The following TIAM1 variants were observed in gnomAD, a reference collection of about 807,000 sequenced individuals.
TIAM1 encodes TIAM Rac1 associated GEF 1.
In TIAM1, 65 loss-of-function variants were observed where a neutral mutation model predicts 163.5. That is an observed-to-expected ratio of 0.40 (90% CI 0.33 to 0.49). The LOEUF (loss-of-function observed/expected upper bound fraction) is 0.49, where lower values mean the gene tolerates loss of function less well. Ranked by LOEUF, TIAM1 falls within the 20% of genes least tolerant of loss-of-function variation. The pLI is 0.77. For missense variants in TIAM1, 1,789 were observed against 2,044.7 expected (o/e 0.87, Z 2.41); for synonymous variants, 833 against 810.1 (o/e 1.03, Z -0.48).
At chr21:31,250,920 G>A (rs941816010) in intron 5 of TIAM1, among the ~76,000 whole-genome samples, 4 of 152,188 alleles carry the variant, frequency 2.6e-5, no homozygotes, top group Non-Finnish European at 5.9e-5. Context: ...ACACATGCAT[G>A]TCTGTATCTA....
intron 1 of TIAM1, among the ~76,000 whole-genome samples, chr21:31,467,617 C>T (rs1439454714): frequency 1.3e-5 from 2 of 149,174 alleles, no homozygotes; most frequent in South Asian, 2.1e-4. Context: ...CAAAGTGAGG[C>T]TCCATCTCAA....
At chr21:31,498,788 T>C (rs62221327) in intron 1 of TIAM1, among the ~76,000 whole-genome samples, 1 of 151,452 alleles carries the variant, frequency 6.6e-6, no homozygotes, top group Non-Finnish European at 1.5e-5. Flanking sequence ...TCTACTAAAA[T>C]TATAAAAATT....
At chr21:31,197,268 T>C (rs1424465456) in intron 12 of TIAM1, among the ~76,000 whole-genome samples, 1 of 152,170 alleles carries the variant, frequency 6.6e-6, no homozygotes, top group Non-Finnish European at 1.5e-5. Flanking sequence ...AAAAATTTTT[T>C]AAACAAAAAA....
intron 1 of TIAM1, among the ~76,000 whole-genome samples, chr21:31,549,478 A>AG (rs1298554364): frequency 6.6e-6 from 1 of 152,074 alleles, no homozygotes; most frequent in African/African-American, 2.4e-5. Flanking sequence ...ATTAATAAAA[A>AG]AAAATTAAAA....
intron 1 of TIAM1, among the ~76,000 whole-genome samples, chr21:31,525,106 G>A (rs142471686): frequency 4.0e-4 from 61 of 152,120 alleles, no homozygotes; most frequent in Admixed American, 7.9e-4. Context: ...GAGGCTGGGC[G>A]CGGTGGCTCA....
chr21:31,554,674 A>T (rs752571665), intron 1 of TIAM1, among the ~76,000 whole-genome samples: 1 of 152,122 alleles, frequency 6.6e-6, no homozygotes, highest in Non-Finnish European at 1.5e-5. Context: ...AAAGCAGACA[A>T]TTGATCGGCT....
chr21:31,310,950 A>G (rs1452662955), intron 2 of TIAM1, among the ~76,000 whole-genome samples: 12 of 152,210 alleles, frequency 7.9e-5, no homozygotes, highest in Non-Finnish European at 1.8e-4. Context: ...CGTGCAATGC[A>G]ATCCTCTGAC....
chr21:31,531,390 G>C (rs1028580364), intron 1 of TIAM1, among the ~76,000 whole-genome samples: 2 of 152,186 alleles, frequency 1.3e-5, no homozygotes, highest in Non-Finnish European at 2.9e-5. Context: ...TGCCTAGTGA[G>C]AGGAGACTGT....
rs368040762 is a variant in TIAM1, at chr21:31,154,409, G to A, written c.3009C>T (p.Ala1003=). ...TCTCATGCAAACTGCGGCAAAATGC[G>A]GCCACCTGTTCTGTACTCTTCGGAG... is the stretch of plus-strand genomic sequence containing the variant. ...DHSSKSTEQV[A]AFCRSLHEMN... Residue 1003 remains alanine, a synonymous_variant, in exon 17 of 28, where the codon GCC becomes GCT. Coordinates refer to ENST00000541036, the MANE Select transcript of TIAM1 (RefSeq NM_001353694.2). 82 of 1,613,842 alleles carry A rather than the reference G, an allele frequency of 5.1e-5. No homozygotes were observed. The highest frequency in any genetic ancestry group is 3.3e-4 in the Middle Eastern group (2 of 6,072).
At chr21:31,409,639 C>T (rs553704890) in intron 2 of TIAM1, among the ~76,000 whole-genome samples, 1 of 152,338 alleles carries the variant, frequency 6.6e-6, no homozygotes, top group South Asian at 2.1e-4. Context: ...CTCCGCACCA[C>T]AGGCCCGCTT....
At position 31,500,811 on chromosome 21, in the gene TIAM1, G is replaced by A. The variant is rs545470215; in HGVS notation, c.-421-36776C>T. 3.9e-5 allele frequency among the ~76,000 whole-genome samples: 6 copies of A among 152,262 alleles called. No homozygotes were observed. The East Asian group carries it at 7.8e-4, about 20-fold the overall frequency. The stretch of plus-strand genomic sequence containing the variant: ...GCCGTCAGAATGAACCTACCTGGCC[G>A]ACATCTTGATTTTGGACTTCTGGCC... On this transcript the variant is annotated intron_variant, in intron 1 of 28. Transcript: ENST00000286827.
chr21:31,270,731 T>G (rs1275060555), intron 3 of TIAM1, among the ~76,000 whole-genome samples: 1 of 152,244 alleles, frequency 6.6e-6, no homozygotes, highest in Non-Finnish European at 1.5e-5. Context: ...AATTTTGGTT[T>G]TTTTGGCTCA....
intron 1 of TIAM1, among the ~76,000 whole-genome samples, chr21:31,553,710 C>G (rs533408072): frequency 6.6e-6 from 1 of 152,210 alleles, no homozygotes; most frequent in East Asian, 1.9e-4. Flanking sequence ...ATGGAGGCCT[C>G]CAACAAGGCT....
At chr21:31,349,225 C>G (rs1436797974), upstream of TIAM1, among the ~76,000 whole-genome samples, 2 of 152,214 alleles carry the variant, frequency 1.3e-5, no homozygotes, top group Non-Finnish European at 2.9e-5. Context: ...TCTAACAAGT[C>G]AAAGTCAACA....
intron 2 of TIAM1, among the ~76,000 whole-genome samples, chr21:31,373,055 C>CAAAAA (rs71193110): frequency 5.7e-5 from 6 of 104,676 alleles, no homozygotes; most frequent in African/African-American, 2.2e-4. Flanking sequence ...AACTCTGTCT[C>CAAAAA]AAAAAAAAAA....
chr21:31,327,575 G>C (rs964604852), intron 2 of TIAM1, among the ~76,000 whole-genome samples: 13 of 141,314 alleles, frequency 9.2e-5, no homozygotes. Flanking sequence ...AGGAGAGGCA[G>C]AGGTTGCAGT....
chr21:31,408,814 G>A (rs2077293342), intron 2 of TIAM1, among the ~76,000 whole-genome samples: 1 of 152,174 alleles, frequency 6.6e-6, no homozygotes, highest in Non-Finnish European at 1.5e-5. Flanking sequence ...AAGAGCGTCA[G>A]CATCACTCAG....
intron 2 of TIAM1, among the ~76,000 whole-genome samples, chr21:31,326,704 G>A (rs1404963426): frequency 1.3e-5 from 2 of 152,128 alleles, no homozygotes; most frequent in African/African-American, 4.8e-5. Flanking sequence ...TAGATGAAAG[G>A]CATTTGTTAC....
chr21:31,370,382 T>A (rs1373448858), intron 2 of TIAM1, among the ~76,000 whole-genome samples: 2 of 152,190 alleles, frequency 1.3e-5, no homozygotes, highest in Non-Finnish European at 2.9e-5. Flanking sequence ...ACAATATGGC[T>A]TTTTTATGTT....
Sources: gnomAD v4.1 joint callset for allele counts (sites outside exome capture counted in the v4.1 genomes callset) on GRCh38, gnomAD v4.1.1 for gene constraint, MANE v1.5 for transcripts, NCBI Gene and HGNC (gene_info 2026-07-23, HGNC 2026-07-21) for gene names.